CTNND2: variants seen among roughly 807,000 people sequenced by gnomAD.
CTNND2 encodes catenin delta 2.
Under a neutral mutation model 144.4 loss-of-function variants are expected in CTNND2, and 22 were observed. That is an observed-to-expected ratio of 0.15 (90% CI 0.11 to 0.22). The LOEUF is 0.22. CTNND2 is among the 10% of genes least tolerant of loss of function. CTNND2 has a pLI of 1.00. For missense variants in CTNND2, 1,353 were observed against 1,618.8 expected, an observed-to-expected ratio of 0.84 and a Z score of 2.82; for synonymous variants, 751 against 695.6, an observed-to-expected ratio of 1.08 and a Z score of -1.25.
intron 1 of CTNND2, among the ~76,000 whole-genome samples, chr5:11,744,459 A>C (rs986622376): frequency 6.6e-6 from 1 of 152,182 alleles, no homozygotes; most frequent in Admixed American, 6.5e-5. Context: ...AAGCTAAAAA[A>C]GTGTAGGAGA....
chr5:11,158,992 C>G (rs1758500761), intron 12 of CTNND2, among the ~76,000 whole-genome samples: 2 of 152,120 alleles, frequency 1.3e-5, no homozygotes, highest in Admixed American at 6.5e-5. Context: ...TCAATAGATT[C>G]CTGATGATTT....
chr5:11,844,023 C>T (rs897451125), intron 1 of CTNND2, among the ~76,000 whole-genome samples: 11 of 152,010 alleles, frequency 7.2e-5, no homozygotes, highest in Non-Finnish European at 4.4e-5. Context: ...AGTCTGAGTC[C>T]CAGTTGTCAT....
rs75509966 is a variant in CTNND2 at position 11,135,951 on chromosome 5, T to C, written c.2160-18384A>G. 3.2e-3 allele frequency among the ~76,000 whole-genome samples: 480 copies of C among 152,354 alleles called. 3 individuals carry two copies. Among genetic ancestry groups the C allele is most frequent in the Non-Finnish European group, 3.3e-3 (226 of 68,040 alleles). On this transcript the variant is annotated intron_variant, in intron 12 of 21. Coordinates refer to ENST00000304623, the MANE Select transcript of CTNND2 (RefSeq NM_001332.4). ...GCATTGGCTACTGCTATCATCTGAA[T>C]ATCTGTGTCCCTCCTAAAATTTATA...
chr5:11,889,341 T>A (rs148254816), intron 1 of CTNND2, among the ~76,000 whole-genome samples: 1 of 152,202 alleles, frequency 6.6e-6, no homozygotes, highest in Non-Finnish European at 1.5e-5. Flanking sequence ...GATTTTAAGA[T>A]ACAATTTAGA....
intron 3 of CTNND2, among the ~76,000 whole-genome samples, chr5:11,465,168 G>A (rs1318652779): frequency 6.6e-6 from 1 of 152,030 alleles, no homozygotes; most frequent in African/African-American, 2.4e-5. Context: ...TGCAGTAATT[G>A]TTCACATTGT....
chr5:11,470,723 T>C (rs372885656), intron 3 of CTNND2, among the ~76,000 whole-genome samples: 11 of 151,958 alleles, frequency 7.2e-5, no homozygotes, highest in African/African-American at 2.7e-4. Flanking sequence ...TTATTTTCAA[T>C]GACCCTGACG....
intron 2 of CTNND2, among the ~76,000 whole-genome samples, chr5:11,647,105 T>C (rs12109437): frequency 0.063 from 9,599 of 152,238 alleles, 674 homozygotes; most frequent in East Asian, 0.23. Flanking sequence ...CCTGTCTCCA[T>C]CACCCTTTCT....
intron 11 of CTNND2, among the ~76,000 whole-genome samples, chr5:11,175,418 T>G (rs1760384954): frequency 6.6e-6 from 1 of 152,188 alleles, no homozygotes. Flanking sequence ...CGCTCTATTC[T>G]TATCATATAC....
intron 15 of CTNND2, among the ~76,000 whole-genome samples, chr5:11,097,064 T>A (rs1014171869): frequency 6.6e-6 from 1 of 152,148 alleles, no homozygotes; most frequent in Non-Finnish European, 1.5e-5. Context: ...CTGATGTGCA[T>A]GATGTAGAGT....
chr5:11,482,530 G>A (rs1020924736), intron 3 of CTNND2, among the ~76,000 whole-genome samples: 4 of 152,072 alleles, frequency 2.6e-5, no homozygotes, highest in Non-Finnish European at 2.9e-5. Context: ...TTCTCAAGGC[G>A]CTAACATTCC....
chr5:11,201,042 T>C (rs32263), intron 10 of CTNND2, among the ~76,000 whole-genome samples: 42,004 of 152,144 alleles, frequency 0.28, 5,943 homozygotes, highest in Middle Eastern at 0.36. Flanking sequence ...CCACACCGTT[T>C]AAAACTGCAC....
At chr5:11,884,951 G>T (rs544805515) in intron 1 of CTNND2, among the ~76,000 whole-genome samples, 5 of 145,420 alleles carry the variant, frequency 3.4e-5, no homozygotes, top group African/African-American at 9.8e-5. Flanking sequence ...TTGATGTGAT[G>T]TACCATAATT....
chr5:11,520,005 G>T (rs1256397328), intron 3 of CTNND2, among the ~76,000 whole-genome samples: 1 of 151,434 alleles, frequency 6.6e-6, no homozygotes, highest in Non-Finnish European at 1.5e-5. Flanking sequence ...AAAACAGCTG[G>T]GCGTGGTGGT....
intron 3 of CTNND2, among the ~76,000 whole-genome samples, chr5:11,489,117 A>G (rs1295418309): frequency 6.6e-6 from 1 of 152,198 alleles, no homozygotes; most frequent in Non-Finnish European, 1.5e-5. Context: ...TATTTATATG[A>G]AATTGCCAAA....
intron 9 of CTNND2, among the ~76,000 whole-genome samples, chr5:11,269,910 A>G (rs1745819846): frequency 6.6e-6 from 1 of 152,246 alleles, no homozygotes; most frequent in African/African-American, 2.4e-5. Flanking sequence ...AACGAAAAAA[A>G]CACGGAGCCT....
chr5:11,868,764 G>A (rs532666959), intron 1 of CTNND2, among the ~76,000 whole-genome samples: 5 of 152,218 alleles, frequency 3.3e-5, no homozygotes, highest in South Asian at 4.2e-4. Context: ...CTGAGCTAGC[G>A]TGCTCAGCCC....
intron 2 of CTNND2, among the ~76,000 whole-genome samples, chr5:11,598,238 G>A (rs1039716409): frequency 6.6e-6 from 1 of 152,102 alleles, no homozygotes; most frequent in African/African-American, 2.4e-5. Flanking sequence ...TCTTCTAGGA[G>A]CCATGGCTAA....
intron 3 of CTNND2, among the ~76,000 whole-genome samples, chr5:11,464,389 G>A (rs926855591): frequency 2.0e-5 from 3 of 152,134 alleles, no homozygotes; most frequent in Non-Finnish European, 2.9e-5. Context: ...GTCCTGGGCA[G>A]AAGAAAGGGA....
At chr5:11,766,676 C>T (rs1789606975) in intron 1 of CTNND2, among the ~76,000 whole-genome samples, 1 of 152,132 alleles carries the variant, frequency 6.6e-6, no homozygotes, top group South Asian at 2.1e-4. Flanking sequence ...GCTTGGGGCA[C>T]TTAACTGACC....
Sources: gnomAD v4.1 joint callset for allele counts (sites outside exome capture counted in the v4.1 genomes callset) on GRCh38, gnomAD v4.1.1 for gene constraint, MANE v1.5 for transcripts, NCBI Gene and HGNC (gene_info 2026-07-23, HGNC 2026-07-21) for gene names.